Variants in CWC27 observed in about 807,000 individuals in gnomAD.
CWC27 encodes CWC27 spliceosome associated cyclophilin, also known as spliceosome-associated protein CWC27 homolog.
In CWC27, 47 loss-of-function variants were observed where a neutral mutation model predicts 63.6. The ratio of observed to expected loss-of-function variants is 0.74; its 90% CI spans 0.58 to 0.94. The LOEUF is 0.94. Ranked by LOEUF, CWC27 falls within the 40% of genes least tolerant of loss-of-function variation. The pLI, the probability that CWC27 is intolerant of heterozygous loss-of-function variation, is 0.00. For missense variants in CWC27, 495 were observed against 554.3 expected (o/e 0.89, Z 1.07); for synonymous variants, 175 against 179.8 (o/e 0.97, Z 0.22).
At chr5:64,807,211 C>T (rs951400202) in intron 10 of CWC27, among the ~76,000 whole-genome samples, 3 of 152,060 alleles carry the variant, frequency 2.0e-5, no homozygotes, top group Non-Finnish European at 2.9e-5. Context: ...AGCAATGAGC[C>T]GTTCAAAGTA....
chr5:64,851,443 A>G (rs1471625277), intron 10 of CWC27, among the ~76,000 whole-genome samples: 1 of 152,234 alleles, frequency 6.6e-6, no homozygotes, highest in South Asian at 2.1e-4. Flanking sequence ...ATCATACAGG[A>G]GTGATATGTT....
chr5:64,949,287 T>C (rs1379853993), intron 11 of CWC27, among the ~76,000 whole-genome samples: 4 of 152,072 alleles, frequency 2.6e-5, no homozygotes, highest in African/African-American at 9.6e-5. Context: ...GTGAAATGAA[T>C]TAGATTTAGA....
At chr5:64,889,647 C>T (rs532379393) in intron 11 of CWC27, among the ~76,000 whole-genome samples, 4 of 151,966 alleles carry the variant, frequency 2.6e-5, no homozygotes, top group African/African-American at 7.3e-5. Context: ...AAATTGAGGC[C>T]GGGCGCGGTG....
rs549448521 is a variant in CWC27, at chr5:64,885,834, AT to A, written c.1042+290del. Among the ~76,000 whole-genome samples, 408 of 151,992 alleles carry A rather than the reference AT, an allele frequency of 2.7e-3. 1 individual carries two copies. The highest frequency in any genetic ancestry group is 4.1e-3 in the Non-Finnish European group (276 of 67,956). ...ATTCAGTGCAAATGGGATTGTAACTATTGTTCTTAAGTAACCTTCATGAAAA... is the reference window on the plus strand; with the variant it reads ...ATTCAGTGCAAATGGGATTGTAACTATGTTCTTAAGTAACCTTCATGAAAA... On this transcript the variant is annotated intron_variant, in intron 11 of 13. Coordinates refer to ENST00000381070, the MANE Select transcript of CWC27 (RefSeq NM_005869.4).
At chr5:64,880,673 G>A (rs1034841726) in intron 10 of CWC27, among the ~76,000 whole-genome samples, 1 of 151,336 alleles carries the variant, frequency 6.6e-6, no homozygotes, top group Non-Finnish European at 1.5e-5. Flanking sequence ...TTTTTTTTAA[G>A]AAATTCTTTT....
At chr5:64,839,385 G>A (rs753585770) in intron 10 of CWC27, among the ~76,000 whole-genome samples, 87 of 152,298 alleles carry the variant, frequency 5.7e-4, no homozygotes, top group Admixed American at 1.4e-3. Context: ...AAGCTTGTGA[G>A]TAGTTATATA....
chr5:64,793,176 G>C (rs1391481318), intron 7 of CWC27, among the ~76,000 whole-genome samples: 1 of 152,070 alleles, frequency 6.6e-6, no homozygotes, highest in African/African-American at 2.4e-5. Context: ...TTGGCCTAGT[G>C]GCCTTCATGA....
intron 1 of CWC27, among the ~76,000 whole-genome samples, chr5:64,772,350 G>T (rs958530189): frequency 1.3e-5 from 2 of 151,994 alleles, no homozygotes; most frequent in African/African-American, 4.8e-5. Context: ...TGATGACTGG[G>T]TGCAGTGGCT....
intron 11 of CWC27, among the ~76,000 whole-genome samples, chr5:64,957,847 G>A (rs1748832362): frequency 6.6e-6 from 1 of 152,062 alleles, no homozygotes; most frequent in South Asian, 2.1e-4. Context: ...TTAATGTTTT[G>A]TGTTCAGAAC....
intron 11 of CWC27, among the ~76,000 whole-genome samples, chr5:64,942,438 T>TAAAAA (rs35936421): frequency 6.4e-4 from 62 of 96,518 alleles, no homozygotes; most frequent in African/African-American, 2.6e-3. Context: ...CCTATCTCTT[T>TAAAAA]AAAAAAAAAA....
chr5:64,806,546 A>G (rs1012387834), intron 10 of CWC27, among the ~76,000 whole-genome samples: 1 of 152,232 alleles, frequency 6.6e-6, no homozygotes, highest in Non-Finnish European at 1.5e-5. Context: ...TCCTACCTAC[A>G]AAGAGAAACA....
chr5:64,909,541 G>T (rs771006878), intron 11 of CWC27, among the ~76,000 whole-genome samples: 3 of 152,162 alleles, frequency 2.0e-5, no homozygotes, highest in African/African-American at 7.2e-5. Flanking sequence ...TTCCAACTTG[G>T]ATCCATTCTC....
chr5:64,789,055 A>T (rs200336559), intron 7 of CWC27, 35 bp downstream of exon 7: 1 of 1,462,654 alleles, frequency 6.8e-7, no homozygotes, highest in East Asian at 2.3e-5. Flanking sequence ...CTAACTTACA[A>T]AAGAGATTGG....
chr5:64,887,198 T>C (rs1485789336), intron 11 of CWC27, among the ~76,000 whole-genome samples: 1 of 152,092 alleles, frequency 6.6e-6, no homozygotes, highest in Non-Finnish European at 1.5e-5. Context: ...ACTATAATAG[T>C]GCCATACAGG....
At chr5:64,823,192 T>C (rs1745256538) in intron 10 of CWC27, among the ~76,000 whole-genome samples, 1 of 152,202 alleles carries the variant, frequency 6.6e-6, no homozygotes, top group Non-Finnish European at 1.5e-5. Context: ...AGACCACTTT[T>C]AAAACGTAAT....
intron 13 of CWC27, among the ~76,000 whole-genome samples, chr5:65,007,411 T>A (rs1392949200): frequency 6.6e-6 from 1 of 152,190 alleles, no homozygotes; most frequent in Non-Finnish European, 1.5e-5. Context: ...GATATTGCTC[T>A]ACTTGGGTTG....
intron 10 of CWC27, among the ~76,000 whole-genome samples, chr5:64,883,040 G>T (rs975032275): frequency 6.6e-6 from 1 of 152,166 alleles, no homozygotes; most frequent in Non-Finnish European, 1.5e-5. Context: ...CTGCATGACT[G>T]GGGAGGCCTC....
At chr5:64,978,110 C>G (rs571246845) in intron 13 of CWC27, among the ~76,000 whole-genome samples, 1 of 152,184 alleles carries the variant, frequency 6.6e-6, no homozygotes, top group African/African-American at 2.4e-5. Flanking sequence ...TCCCATCCTT[C>G]AGGAAACCAG....
intron 11 of CWC27, among the ~76,000 whole-genome samples, chr5:64,957,142 T>C (rs1342524876): frequency 6.6e-6 from 1 of 152,192 alleles, no homozygotes; most frequent in Non-Finnish European, 1.5e-5. Flanking sequence ...TACCTTATGT[T>C]ACAAAACAAT....
Sources: gnomAD v4.1 joint callset for allele counts (sites outside exome capture counted in the v4.1 genomes callset) on GRCh38, gnomAD v4.1.1 for gene constraint, MANE v1.5 for transcripts, NCBI Gene and HGNC (gene_info 2026-07-23, HGNC 2026-07-21) for gene names.